CDK5RAP2: variants seen among roughly 807,000 people sequenced by gnomAD.
CDK5RAP2 encodes the protein CDK5 regulatory subunit-associated protein 2.
Under a neutral mutation model 232.9 loss-of-function variants are expected in CDK5RAP2, and 147 were observed. That is an observed-to-expected ratio of 0.63 (90% confidence interval 0.55 to 0.72). CDK5RAP2 has a LOEUF of 0.72. Ranked by LOEUF, CDK5RAP2 falls within the 30% of genes least tolerant of loss-of-function variation. The pLI is 0.00. For synonymous variants in CDK5RAP2, 833 were observed against 833.7 expected (o/e 1.00, Z 0.01); for missense variants, 2,195 against 2,231.5 (o/e 0.98, Z 0.33).
chr9:120,444,099 TAA>T (rs1463898304), intron 22 of CDK5RAP2, among the ~76,000 whole-genome samples: 1 of 151,998 alleles, frequency 6.6e-6, no homozygotes, highest in African/African-American at 2.4e-5. Context: ...CAGCAAAAAA[TAA>T]AAACAGTATT....
At chr9:120,563,791 G>C (rs892256058) in intron 3 of CDK5RAP2, among the ~76,000 whole-genome samples, 1 of 152,230 alleles carries the variant, frequency 6.6e-6, no homozygotes, top group African/African-American at 2.4e-5. Flanking sequence ...CTGGCAGTAA[G>C]TAACTCACAA....
At chr9:120,525,501 T>C (rs1588568122) in intron 10 of CDK5RAP2, among the ~76,000 whole-genome samples, 1 of 152,106 alleles carries the variant, frequency 6.6e-6, no homozygotes, top group Non-Finnish European at 1.5e-5. Context: ...TGAACAACCA[T>C]GGCCACACCC....
At chr9:120,466,348 G>C (rs1371341447) in intron 18 of CDK5RAP2, among the ~76,000 whole-genome samples, 4 of 152,082 alleles carry the variant, frequency 2.6e-5, no homozygotes, top group Non-Finnish European at 5.9e-5. Flanking sequence ...GATTACAATG[G>C]GCACACCACC....
At chr9:120,541,587 C>T (rs547349100) in intron 5 of CDK5RAP2, among the ~76,000 whole-genome samples, 29 of 152,266 alleles carry the variant, frequency 1.9e-4, no homozygotes, top group African/African-American at 7.0e-4. Flanking sequence ...TTTATGTCCC[C>T]TTATTGTAAC....
At chr9:120,415,289 C>G (rs1054167353) in intron 27 of CDK5RAP2, 130 bp from the exon 28 acceptor site, 7 of 1,015,476 alleles carry the variant, frequency 6.9e-6, no homozygotes, top group Non-Finnish European at 1.0e-5. Context: ...ACTGGCAATT[C>G]TTTCCTAGGC....
chr9:120,487,108 T>A (rs1280813034), intron 14 of CDK5RAP2, among the ~76,000 whole-genome samples, 186 bp downstream of exon 14: 1 of 152,204 alleles, frequency 6.6e-6, no homozygotes, highest in Non-Finnish European at 1.5e-5. Flanking sequence ...GTGCAAAGAC[T>A]AATATTCATT....
chr9:120,469,309 C>T (rs1251827496), intron 17 of CDK5RAP2, among the ~76,000 whole-genome samples: 1 of 152,138 alleles, frequency 6.6e-6, no homozygotes, highest in Non-Finnish European at 1.5e-5. Context: ...CAGGTGAGCT[C>T]ACCCCCCCAT....
At chr9:120,566,877 C>T (rs1289634007) in intron 3 of CDK5RAP2, among the ~76,000 whole-genome samples, 3 of 152,210 alleles carry the variant, frequency 2.0e-5, no homozygotes, top group Non-Finnish European at 4.4e-5. Flanking sequence ...TCTAGGATTC[C>T]TTTCAGTTCA....
intron 28 of CDK5RAP2, among the ~76,000 whole-genome samples, chr9:120,412,055 C>A (rs1184262170): frequency 5.9e-5 from 9 of 152,226 alleles, no homozygotes; most frequent in Non-Finnish European, 1.0e-4. Context: ...CAGGCCTTAT[C>A]ACTTTACTCT....
intron 20 of CDK5RAP2, among the ~76,000 whole-genome samples, chr9:120,456,084 GA>G (rs541148422): frequency 6.2e-4 from 94 of 152,148 alleles, no homozygotes; most frequent in African/African-American, 2.2e-3. Flanking sequence ...AAAATAAAGG[GA>G]AAAAAATTCA....
chr9:120,525,161 G>T, intron 10 of CDK5RAP2, 83 bp from the exon 11 acceptor site: 1 of 1,042,104 alleles, frequency 9.6e-7, no homozygotes, highest in Non-Finnish European at 1.5e-6. Flanking sequence ...CTGCTCAATT[G>T]TGTCGTGCTT....
At chr9:120,451,219 A>G (rs897233217) in intron 21 of CDK5RAP2, among the ~76,000 whole-genome samples, 1 of 152,218 alleles carries the variant, frequency 6.6e-6, no homozygotes, top group Admixed American at 6.5e-5. Flanking sequence ...CACCTACCAC[A>G]TTATTGAAGA....
chr9:120,458,539 G>A lies in CDK5RAP2; in HGVS notation c.2286C>T (p.Ala762=). The change falls in exon 20 of 38, where the codon GCC becomes GCT. Residue 762 remains alanine (A), a synonymous_variant. Coordinates refer to ENST00000349780, the MANE Select transcript of CDK5RAP2 (RefSeq NM_018249.6). The stretch of plus-strand genomic sequence containing the variant: ...CTTCTTCTAGGCAGCCAGGTGCGTG[G>A]GCCCCATCACAATCTGAAATCTTAG... The part of the protein sequence containing the change: ...TESKISDCDG[A]HAPGCLEEGA... 11 of 1,614,088 alleles carry A rather than the reference G, an allele frequency of 6.8e-6. No individual in the cohort carries two copies. The highest frequency in any genetic ancestry group is 9.3e-6 in the Non-Finnish European group (11 of 1,179,966).
At chr9:120,486,001 A>C (rs1159675738) in intron 14 of CDK5RAP2, among the ~76,000 whole-genome samples, 2 of 152,242 alleles carry the variant, frequency 1.3e-5, no homozygotes, top group Non-Finnish European at 2.9e-5. Context: ...TGATACCCCC[A>C]GGACAAGCTC....
At position 120,536,380 on chromosome 9, in the gene CDK5RAP2, C is replaced by T; in HGVS notation, c.654G>A (p.Glu218=). The T allele has an allele frequency of 6.2e-7, 1 of 1,614,124 alleles. No homozygotes were observed. Among genetic ancestry groups the T allele is most frequent in the Non-Finnish European group, 8.5e-7 (1 of 1,179,994 alleles). Residue 218 remains glutamate (E), a synonymous_variant, in exon 7 of 38, where the codon GAG becomes GAA. Coordinates refer to ENST00000349780, the MANE Select transcript of CDK5RAP2 (RefSeq NM_018249.6). ...AGGGACAAGAGCCAGACCTGTCTTT[C>T]TCATCCAGGACCAGAGCCATCGCCA... ...GDLAMALVLD[E]KDRLIEELKL...
intron 3 of CDK5RAP2, among the ~76,000 whole-genome samples, chr9:120,559,245 T>C (rs1215511471): frequency 6.6e-6 from 1 of 152,030 alleles, no homozygotes; most frequent in African/African-American, 2.4e-5. Context: ...TCCTAGCACT[T>C]TGGGAGGCCG....
Position 120,536,391 on chromosome 9 carries a change from C to T in CDK5RAP2, c.643G>A (p.Val215Ile), listed in dbSNP as rs764816221. 6.2e-7 allele frequency: 1 copy of T among 1,614,170 alleles called. No homozygotes were observed. The highest frequency in any genetic ancestry group is 8.5e-7 in the Non-Finnish European group (1 of 1,180,010). ...CCAGACCTGTCTTTCTCATCCAGGA[C>T]CAGAGCCATCGCCAAGTCCCCCTCG... is the stretch of plus-strand genomic sequence containing the variant. ...MHEGDLAMAL[V>I]LDEKDRLIEE... The change falls in exon 7 of 38, where the codon GTC becomes ATC. Residue 215 changes from valine (V) to isoleucine (I), a missense_variant. Val to Ile is a conservative substitution (Grantham distance 29). Transcript: ENST00000349780.
At chr9:120,423,543 G>C (rs73660245) in intron 25 of CDK5RAP2, among the ~76,000 whole-genome samples, 3 of 152,130 alleles carry the variant, frequency 2.0e-5, no homozygotes, top group Non-Finnish European at 2.9e-5. Flanking sequence ...GGCAAAAGAC[G>C]CTCTGCTCTC....
chr9:120,427,981 C>T (rs1315562902), intron 25 of CDK5RAP2, among the ~76,000 whole-genome samples: 1 of 152,156 alleles, frequency 6.6e-6, no homozygotes, highest in African/African-American at 2.4e-5. Context: ...TACATGGAAA[C>T]TGAACAACCT....
Sources: gnomAD v4.1 joint callset for allele counts (sites outside exome capture counted in the v4.1 genomes callset) on GRCh38, gnomAD v4.1.1 for gene constraint, MANE v1.5 for transcripts, NCBI Gene and HGNC (gene_info 2026-07-23, HGNC 2026-07-21) for gene names.